EZH1: variants seen among roughly 807,000 people sequenced by gnomAD.
EZH1 encodes histone-lysine N-methyltransferase EZH1.
EZH1 carries 33 observed loss-of-function variants against 100.5 expected under a neutral mutation model. The observed-to-expected ratio is 0.33, with a 90% CI of 0.25 to 0.44. The LOEUF (loss-of-function observed/expected upper bound fraction) is 0.44. Among genes scored for constraint, EZH1 ranks in the 20% least tolerant of loss-of-function variants. The pLI is 1.00. For missense variants in EZH1, 475 were observed against 928.4 expected (o/e 0.51, Z 6.35); for synonymous variants, 272 against 313.8 (o/e 0.87, Z 1.41).
At chr17:42,709,001 A>T (rs1172922920) in intron 13 of EZH1, 85 bp from the exon 14 acceptor site, 4 of 1,501,966 alleles carry the variant, frequency 2.7e-6, no homozygotes, top group Non-Finnish European at 3.7e-6. Flanking sequence ...ACTTGCTCTG[A>T]GGGACTGTGT....
intron 10 of EZH1, chr17:42,714,448 C>T: frequency 3.1e-6 from 1 of 319,654 alleles, no homozygotes; most frequent in Admixed American, 3.1e-5. Flanking sequence ...GTGTGCCCAG[C>T]AGACTTCGGG....
At chr17:42,724,473 A>C in intron 4 of EZH1, 49 bp from the exon 5 acceptor site, 1 of 1,599,544 alleles carries the variant, frequency 6.3e-7, no homozygotes, top group Non-Finnish European at 8.6e-7. Context: ...CATATAACCC[A>C]AGAAAGAAAT....
At chr17:42,712,113 G>C (rs969638305) in intron 12 of EZH1, among the ~76,000 whole-genome samples, 176 bp downstream of exon 12, 1 of 152,190 alleles carries the variant, frequency 6.6e-6, no homozygotes, top group South Asian at 2.1e-4. Context: ...CATTAGGCCT[G>C]GCACTTGCAG....
chr17:42,739,519 G>A (rs2054135156), intron 1 of EZH1, among the ~76,000 whole-genome samples: 2 of 152,130 alleles, frequency 1.3e-5, no homozygotes, highest in Admixed American at 1.3e-4. Context: ...ATCACCTGAG[G>A]ACAGGGGTTC....
At position 42,708,654 on chromosome 17, in the gene EZH1, C is replaced by CA. The variant is rs34000976; in HGVS notation, c.1534+221dup. On this transcript the variant is annotated intron_variant, in intron 14 of 20. Coordinates refer to ENST00000428826, the MANE Select transcript of EZH1 (RefSeq NM_001991.5). ...TGGGTGACAGAGCGAGGCTCCATCT[C>CA]AAAAAAAAGAAAAATCACAGACCAC... 1.1e-4 allele frequency among the ~76,000 whole-genome samples: 17 copies of CA among 151,814 alleles called. No individual in the cohort carries two copies. The East Asian group carries it at 2.9e-3, about 26-fold the overall frequency.
At chr17:42,702,802 GC>G (rs2053270722) in intron 20 of EZH1, 74 bp downstream of exon 20, 2 of 1,509,522 alleles carry the variant, frequency 1.3e-6, no homozygotes, top group Non-Finnish European at 1.8e-6. Flanking sequence ...CCCTCCCTGA[GC>G]CCCCAAATCT....
At chr17:42,712,803 C>T (rs567761614) in intron 11 of EZH1, among the ~76,000 whole-genome samples, 20 of 151,998 alleles carry the variant, frequency 1.3e-4, no homozygotes, top group African/African-American at 3.9e-4. Context: ...TTTAGGACGC[C>T]GAGGCAGGCG....
intron 1 of EZH1, among the ~76,000 whole-genome samples, chr17:42,743,913 T>C (rs2054227265): frequency 6.6e-6 from 1 of 152,166 alleles, no homozygotes; most frequent in Non-Finnish European, 1.5e-5. Context: ...GAAACCTCCT[T>C]CAATATCAGT....
intron 10 of EZH1, among the ~76,000 whole-genome samples, chr17:42,715,293 A>AG (rs1284728383): frequency 4.1e-5 from 6 of 146,240 alleles, no homozygotes; most frequent in South Asian, 2.2e-4. Flanking sequence ...TATTTTTTTG[A>AG]GACGAGGTCT....
chr17:42,731,364 C>G (rs914757442), intron 1 of EZH1, among the ~76,000 whole-genome samples: 2 of 151,856 alleles, frequency 1.3e-5, no homozygotes. Context: ...CTGCCTGCCT[C>G]GGCCTCCCAA....
At chr17:42,704,790 A>G (rs1446132460) in intron 17 of EZH1, 107 bp from the exon 18 acceptor site, 7 of 821,864 alleles carry the variant, frequency 8.5e-6, no homozygotes, top group Non-Finnish European at 1.4e-5. Context: ...GTGCTTACTG[A>G]GCATCATGAT....
intron 1 of EZH1, among the ~76,000 whole-genome samples, chr17:42,742,972 C>A (rs1221653953): frequency 6.6e-6 from 1 of 151,740 alleles, no homozygotes. Context: ...CAGGTTCAAG[C>A]GATTCTCGTG....
chr17:42,707,807 C>T, intron 15 of EZH1, 151 bp downstream of exon 15: 1 of 930,786 alleles, frequency 1.1e-6, no homozygotes, highest in South Asian at 1.6e-5. Context: ...TCCCAGATCT[C>T]ATGCACTTAT....
At chr17:42,717,882 T>A in intron 10 of EZH1, 94 bp downstream of exon 10, 1 of 1,098,396 alleles carries the variant, frequency 9.1e-7, no homozygotes, top group Non-Finnish European at 1.4e-6. Context: ...ATGTTTTATT[T>A]GTGCTATATG....
chr17:42,721,435 G>T (rs1002080880), intron 6 of EZH1, among the ~76,000 whole-genome samples: 14 of 152,142 alleles, frequency 9.2e-5, no homozygotes, highest in African/African-American at 3.1e-4. Context: ...GATCAAAGAA[G>T]TATGACAGAG....
At chr17:42,714,365 C>T (rs112605507) in intron 10 of EZH1, 8 of 295,130 alleles carry the variant, frequency 2.7e-5, no homozygotes, top group African/African-American at 1.1e-4. Flanking sequence ...CTAGGCTGTC[C>T]TGAGCCCCTG....
intron 1 of EZH1, among the ~76,000 whole-genome samples, chr17:42,736,824 C>A (rs1310690195): frequency 6.6e-6 from 1 of 151,818 alleles, no homozygotes; most frequent in Non-Finnish European, 1.5e-5. Flanking sequence ...GCACTCCAGC[C>A]TGGGGAACAG....
intron 2 of EZH1, among the ~76,000 whole-genome samples, chr17:42,730,619 C>G (rs2053924828): frequency 6.7e-6 from 1 of 148,476 alleles, no homozygotes; most frequent in South Asian, 2.1e-4. Context: ...GCCTCAGCCT[C>G]CCGAGTAGCT....
intron 5 of EZH1, among the ~76,000 whole-genome samples, chr17:42,723,373 CA>C (rs34024745): frequency 4.5e-4 from 64 of 142,486 alleles, no homozygotes; most frequent in East Asian, 3.3e-3. Context: ...GACTCCGTCT[CA>C]AAAAAAAAAA....
Sources: gnomAD v4.1 joint callset for allele counts (sites outside exome capture counted in the v4.1 genomes callset) on GRCh38, gnomAD v4.1.1 for gene constraint, MANE v1.5 for transcripts, NCBI Gene and HGNC (gene_info 2026-07-23, HGNC 2026-07-21) for gene names.